The following SHISA9 variants were observed in gnomAD, a reference collection of about 807,000 sequenced individuals.
SHISA9 encodes protein shisa-9.
A neutral mutation model predicts 38.0 loss-of-function variants in SHISA9; 13 were observed. That is an observed-to-expected ratio of 0.34 (90% CI 0.22 to 0.54). The LOEUF (loss-of-function observed/expected upper bound fraction) is 0.54. SHISA9 is among the 20% of genes least tolerant of loss of function. The pLI is 0.91. For missense variants in SHISA9, 538 were observed against 575.8 expected (o/e 0.93, Z 0.67); for synonymous variants, 275 against 242.0 (o/e 1.14, Z -1.27).
chr16:13,435,227 C>T, the SHISA9 span, among the ~76,000 whole-genome samples: 31,307 of 139,430 alleles, frequency 0.22, 3,473 homozygotes, highest in African/African-American at 0.27. Context: ...TTCTTAGAAT[C>T]TTTTTTTTTT....
chr16:12,936,665 C>A (rs950752190), intron 2 of SHISA9, among the ~76,000 whole-genome samples: 4 of 152,154 alleles, frequency 2.6e-5, no homozygotes, highest in Admixed American at 2.0e-4. Context: ...TATAACTTGG[C>A]CCCTAAACAC....
chr16:13,223,646 G>T (rs575877845), intron 4 of SHISA9, among the ~76,000 whole-genome samples: 7 of 152,216 alleles, frequency 4.6e-5, no homozygotes, highest in Admixed American at 6.5e-5. Flanking sequence ...CTCATGCTGC[G>T]AATAAAGATG....
At chr16:13,014,517 T>G (rs2072717807) in intron 2 of SHISA9, among the ~76,000 whole-genome samples, 1 of 152,208 alleles carries the variant, frequency 6.6e-6, no homozygotes, top group Non-Finnish European at 1.5e-5. Flanking sequence ...TTCCTTATCT[T>G]GGAGATTGCT....
intron 4 of SHISA9, among the ~76,000 whole-genome samples, chr16:13,214,447 C>T (rs1244875836): frequency 6.6e-6 from 1 of 152,064 alleles, no homozygotes; most frequent in South Asian, 2.1e-4. Context: ...CTCAGATGAC[C>T]CACCTGCCTT....
the SHISA9 span, among the ~76,000 whole-genome samples, chr16:13,339,613 T>A: frequency 1.3e-5 from 2 of 152,144 alleles, no homozygotes; most frequent in African/African-American, 4.8e-5. Flanking sequence ...TTTTCCTTTT[T>A]TGTTTGTGTG....
chr16:13,093,338 G>T (rs867697504), intron 2 of SHISA9, among the ~76,000 whole-genome samples: 4 of 152,314 alleles, frequency 2.6e-5, no homozygotes, highest in Middle Eastern at 3.4e-3. Context: ...TCTTGGTCCA[G>T]TTGCTGTCCA....
chr16:13,257,740 T>TCCCTCTC, the SHISA9 span, among the ~76,000 whole-genome samples: 2 of 152,196 alleles, frequency 1.3e-5, no homozygotes, highest in African/African-American at 4.8e-5. Flanking sequence ...TTAACATGAC[T>TCCCTCTC]TTTAGAGTGT....
intron 2 of SHISA9, among the ~76,000 whole-genome samples, chr16:12,950,233 G>A (rs900972260): frequency 2.0e-5 from 3 of 152,116 alleles, no homozygotes; most frequent in Non-Finnish European, 2.9e-5. Context: ...ATATTCCTCT[G>A]TGTATATATA....
intron 4 of SHISA9, among the ~76,000 whole-genome samples, chr16:13,218,400 G>A (rs1242048144): frequency 6.6e-6 from 1 of 152,188 alleles, no homozygotes; most frequent in African/African-American, 2.4e-5. Flanking sequence ...CGCAGTTTGC[G>A]ACACAGCATC....
the SHISA9 span, among the ~76,000 whole-genome samples, chr16:13,259,716 C>G: frequency 6.6e-6 from 1 of 152,220 alleles, no homozygotes. Context: ...AAGCCACGGT[C>G]CAAGCCGTAT....
intron 2 of SHISA9, among the ~76,000 whole-genome samples, chr16:13,056,164 C>T (rs1350689684): frequency 6.6e-6 from 1 of 152,182 alleles, no homozygotes; most frequent in Non-Finnish European, 1.5e-5. Context: ...GGGCCATGCG[C>T]TTAAATGGGC....
At chr16:13,427,625 G>T in the SHISA9 span, among the ~76,000 whole-genome samples, 1 of 152,118 alleles carries the variant, frequency 6.6e-6, no homozygotes, top group Admixed American at 6.5e-5. Flanking sequence ...GCATAGAGAG[G>T]GAAGAACAGA....
At chr16:13,312,405 C>A in the SHISA9 span, among the ~76,000 whole-genome samples, 1 of 152,100 alleles carries the variant, frequency 6.6e-6, no homozygotes, top group Non-Finnish European at 1.5e-5. Flanking sequence ...TCCTCCTGTC[C>A]CCCCCTCAGT....
Position 13,127,265 on chromosome 16 carries a change from A to T in SHISA9, c.692-76129A>T, listed in dbSNP as rs539121464. Among the ~76,000 whole-genome samples, 461 of 115,228 alleles carry T rather than the reference A, an allele frequency of 4.0e-3. 3 individuals are homozygous for T. The highest frequency in any genetic ancestry group is 0.014 in the African/African-American group (428 of 30,052). 75.6% of individuals were successfully genotyped at this position (115,228 alleles called of 152,430 possible). A position where few individuals can be genotyped will look rare whatever the true frequency, so the allele number is the denominator to read the frequency against. ...AGTGAGGGAGAGAGAGGGAGGTGGG[A>T]GAGGGAGGGAGGGAGAGAAAGAGAT... On this transcript the variant is annotated intron_variant, in intron 2 of 4. Coordinates refer to ENST00000558583, the MANE Select transcript of SHISA9 (RefSeq NM_001145204.3).
the SHISA9 span, among the ~76,000 whole-genome samples, chr16:13,500,048 C>T: frequency 6.6e-6 from 1 of 152,076 alleles, no homozygotes; most frequent in African/African-American, 2.4e-5. Flanking sequence ...TTGGCTGTGT[C>T]CCCACCCAAA....
chr16:13,142,951 T>C (rs1320016716), intron 2 of SHISA9, among the ~76,000 whole-genome samples: 4 of 147,670 alleles, frequency 2.7e-5, no homozygotes, highest in Non-Finnish European at 4.5e-5. Flanking sequence ...GAACTTAGCA[T>C]TCTGTAAGGG....
chr16:13,476,716 G>A, the SHISA9 span, among the ~76,000 whole-genome samples: 1 of 142,794 alleles, frequency 7.0e-6, no homozygotes, highest in Non-Finnish European at 1.5e-5. Context: ...TTGTCATTCA[G>A]CCTCAAGCAC....
intron 2 of SHISA9, among the ~76,000 whole-genome samples, chr16:12,952,789 C>G (rs1345068834): frequency 6.6e-6 from 1 of 152,170 alleles, no homozygotes; most frequent in African/African-American, 2.4e-5. Context: ...CCATGCAGAA[C>G]TGTGAGTCAA....
At chr16:13,012,896 G>A (rs2072695652) in intron 2 of SHISA9, among the ~76,000 whole-genome samples, 1 of 152,178 alleles carries the variant, frequency 6.6e-6, no homozygotes, top group Non-Finnish European at 1.5e-5. Flanking sequence ...TGTGAGTGCT[G>A]TGACAGCCTC....
Sources: gnomAD v4.1 joint callset for allele counts (sites outside exome capture counted in the v4.1 genomes callset) on GRCh38, gnomAD v4.1.1 for gene constraint, MANE v1.5 for transcripts, NCBI Gene and HGNC (gene_info 2026-07-23, HGNC 2026-07-21) for gene names.